LRRC37B: variants seen among roughly 807,000 people sequenced by gnomAD.
The protein encoded by LRRC37B is leucine rich repeat containing 37B, also known as leucine-rich repeat-containing protein 37B.
In LRRC37B, 28 loss-of-function variants were observed where a neutral mutation model predicts 98.3. That is an observed-to-expected ratio of 0.28 (90% confidence interval 0.21 to 0.39). The LOEUF (loss-of-function observed/expected upper bound fraction) is 0.39. Ranked by LOEUF, LRRC37B falls within the 10% of genes least tolerant of loss-of-function variation. LRRC37B has a pLI of 1.00. For missense variants in LRRC37B, 938 were observed against 1,182.7 expected, an observed-to-expected ratio of 0.79 and a Z score of 3.03; for synonymous variants, 364 against 442.7, an observed-to-expected ratio of 0.82 and a Z score of 2.23.
At chr17:32,030,066 T>A (rs1433368836) in intron 3 of LRRC37B, among the ~76,000 whole-genome samples, 4 of 152,128 alleles carry the variant, frequency 2.6e-5, no homozygotes, top group Non-Finnish European at 5.9e-5. Flanking sequence ...AAAAGCCCCA[T>A]CTCTGTATAA....
At position 32,040,803 on chromosome 17, in the gene LRRC37B, G is replaced by C. The variant is rs1911404007; in HGVS notation, c.2205-4897G>C. 5 of 829,058 alleles carry C rather than the reference G, an allele frequency of 6.0e-6. No homozygotes were observed. In the South Asian group the frequency reaches 6.8e-5, roughly 11 times the overall value. 51.4% of individuals were successfully genotyped at this position (829,058 alleles called of 1,614,324 possible). ...CGAGTCCATGAAGCACCTGGCAGAG[G>C]TGAAGGACTCCCTGGACATAGAGGT... On this transcript the variant is annotated intron_variant, in intron 7 of 11. Transcript: ENST00000327564.
At chr17:32,017,899 G>C (rs1264820381), upstream of LRRC37B, 1 of 162,250 alleles carries the variant, frequency 6.2e-6, no homozygotes, top group Non-Finnish European at 1.4e-5. Flanking sequence ...CTCATTGTGG[G>C]GTGCTACCAT....
chr17:32,022,812 A>T, exon 1 of LRRC37B: 1 of 1,613,836 alleles, frequency 6.2e-7, no homozygotes, highest in Non-Finnish European at 8.5e-7. Context: ...CTACAATGGC[A>T]TCTTCACCAC....
At chr17:32,010,012 G>C (rs1379857490) in intron 1 of LRRC37B, among the ~76,000 whole-genome samples, 1 of 152,174 alleles carries the variant, frequency 6.6e-6, no homozygotes, top group African/African-American at 2.4e-5. Flanking sequence ...GTTAGGTTCT[G>C]TGATGCTCAT....
chr17:32,032,294 A>T (rs2142249326), intron 5 of LRRC37B, among the ~76,000 whole-genome samples: 1 of 151,740 alleles, frequency 6.6e-6, no homozygotes, highest in East Asian at 1.9e-4. Context: ...TGCCCACCTT[A>T]GCCTCCCAAA....
At chr17:32,021,855 C>T (rs1910801131) in exon 1 of LRRC37B, 1 of 1,614,090 alleles carries the variant, frequency 6.2e-7, no homozygotes, top group African/African-American at 1.3e-5. Flanking sequence ...TCCCGGCAGC[C>T]TACCTCCAGA....
Position 32,022,797 on chromosome 17 carries a change from G to T in LRRC37B, c.1732G>T (p.Asp578Tyr), listed in dbSNP as rs367822734. The T allele has an allele frequency of 3.0e-5, 48 of 1,613,162 alleles. No homozygotes were observed. The African/African-American group carries it at 4.0e-4, about 14-fold the overall frequency. ...CCGCCAAGTGCCTGTGCCAGAGCCC[G>T]ACACCTACAATGGCATCTTCACCAC... Residue 578 changes from aspartate (D) to tyrosine (Y), a missense_variant, in exon 1 of 12, where the codon GAC becomes TAC. Physicochemically the swap from Asp to Tyr is radical, Grantham distance 160 (BLOSUM62 -3). Around this residue, in one of 2 missense-constraint regions of LRRC37B, gnomAD observed 328 missense variants for 557.0 expected, o/e 0.59. Transcript: ENST00000327564.
intron 1 of LRRC37B, among the ~76,000 whole-genome samples, chr17:32,012,107 G>A (rs186192679): frequency 6.6e-6 from 1 of 152,256 alleles, no homozygotes; most frequent in African/African-American, 2.4e-5. Flanking sequence ...GGAAAGATGT[G>A]TCCTGCTGCC....
At chr17:32,023,730 T>G (rs1910867192) in intron 1 of LRRC37B, among the ~76,000 whole-genome samples, 1 of 152,268 alleles carries the variant, frequency 6.6e-6, no homozygotes. Flanking sequence ...CCTTTAGTTA[T>G]GTCCAGAACT....
At chr17:32,049,137 C>T (rs765236562) in exon 10 of LRRC37B, 32 of 1,613,802 alleles carry the variant, frequency 2.0e-5, no homozygotes, top group Middle Eastern at 1.6e-4. Flanking sequence ...CGAGCAGCTA[C>T]GGTCCCTCAT....
chr17:32,026,323 T>G (rs59327940), intron 2 of LRRC37B, among the ~76,000 whole-genome samples: 5 of 152,214 alleles, frequency 3.3e-5, no homozygotes, highest in African/African-American at 9.6e-5. Context: ...GAGACCAGCC[T>G]GGCCAATATG....
In LRRC37B at chr17:32,045,147, C is replaced by T. The variant is rs532497617; in HGVS notation, c.2205-553C>T. ...CCCCCTCTTTTAAAATATCATTCTT[C>T]ATGGATTTTTTATATATTATGTTGT... On this transcript the variant is annotated intron_variant, in intron 7 of 11. Coordinates refer to ENST00000327564, the Ensembl canonical transcript of LRRC37B. 3.2e-4 allele frequency among the ~76,000 whole-genome samples: 49 copies of T among 152,016 alleles called. 1 individual carries two copies. In the South Asian group the frequency reaches 7.7e-3, roughly 24 times the overall value.
chr17:32,034,504 CAA>C (rs35735718), intron 5 of LRRC37B, among the ~76,000 whole-genome samples: 6 of 43,908 alleles, frequency 1.4e-4, no homozygotes, highest in Non-Finnish European at 1.0e-4. Flanking sequence ...ACTCCATCTC[CAA>C]AAAAAAAAAA....
rs1377355438 is a variant in LRRC37B at position 32,026,663 on chromosome 17, A to G, written c.1833-1106A>G. On this transcript the variant is annotated intron_variant, in intron 2 of 11. Transcript: ENST00000327564. ...GGGCTGGTCTCGAACTCATGATCTC[A>G]GGTGATTCATGTGCCTTGGCTTTCC... Among the ~76,000 whole-genome samples, 4 of 152,162 alleles carry G rather than the reference A, an allele frequency of 2.6e-5. No individual in the cohort carries two copies. The East Asian group carries it at 7.7e-4, about 29-fold the overall frequency.
intron 2 of LRRC37B, among the ~76,000 whole-genome samples, chr17:32,027,535 G>A (rs1320238431): frequency 6.6e-6 from 1 of 151,722 alleles, no homozygotes. Context: ...GCTTGTGTGT[G>A]TGTGTGTGCC....
chr17:32,045,664 T>C, intron 7 of LRRC37B, 36 bp from the exon 11 acceptor site: 1 of 1,603,208 alleles, frequency 6.2e-7, no homozygotes, highest in Non-Finnish European at 8.5e-7. Context: ...GTAACCGCTT[T>C]ACCACTAATT....
chr17:32,026,272 C>T (rs1386854852), intron 2 of LRRC37B, among the ~76,000 whole-genome samples: 3 of 152,096 alleles, frequency 2.0e-5, no homozygotes, highest in Non-Finnish European at 4.4e-5. Context: ...CCCAGCACCT[C>T]GGGAGTTCGA....
At chr17:32,040,980 C>A in intron 7 of LRRC37B, 2 of 852,174 alleles carry the variant, frequency 2.3e-6, no homozygotes, top group Non-Finnish European at 4.1e-6. Flanking sequence ...GCGTCAGGCG[C>A]TGGAGAAGTT....
At chr17:32,045,940 T>G (rs1252922222) in intron 8 of LRRC37B, 122 bp downstream of exon 11, 2 of 1,099,364 alleles carry the variant, frequency 1.8e-6, no homozygotes, top group Non-Finnish European at 2.6e-6. Context: ...CTCAGTCAGA[T>G]TTCAACTCCC....
Sources: gnomAD v4.1 joint callset for allele counts (sites outside exome capture counted in the v4.1 genomes callset) on GRCh38, gnomAD v4.1.1 for gene constraint, gnomAD v4.1.1 regional missense constraint, MANE v1.5 for transcripts, NCBI Gene and HGNC (gene_info 2026-07-23, HGNC 2026-07-21) for gene names.